Variants in KCND2 observed in about 807,000 individuals in gnomAD.
The protein encoded by KCND2 is potassium voltage-gated channel subfamily D member 2.
A neutral mutation model predicts 54.4 loss-of-function variants in KCND2; 16 were observed. The ratio of observed to expected loss-of-function variants is 0.29; its 90% CI spans 0.20 to 0.45. The LOEUF (loss-of-function observed/expected upper bound fraction) is 0.45. Ranked by LOEUF, KCND2 falls within the 20% of genes least tolerant of loss-of-function variation. The pLI, the probability that KCND2 is intolerant of heterozygous loss-of-function variation, is 1.00. For missense variants in KCND2, 486 were observed against 824.2 expected, an observed-to-expected ratio of 0.59 and a Z score of 5.02; for synonymous variants, 317 against 310.7, an observed-to-expected ratio of 1.02 and a Z score of -0.21.
At chr7:120,601,972 A>G (rs946991192) in intron 1 of KCND2, among the ~76,000 whole-genome samples, 2 of 152,204 alleles carry the variant, frequency 1.3e-5, no homozygotes, top group Non-Finnish European at 2.9e-5. Flanking sequence ...GAAATCTTCA[A>G]AAATAAAACT....
intron 1 of KCND2, among the ~76,000 whole-genome samples, chr7:120,474,267 T>C (rs903042444): frequency 6.6e-6 from 1 of 152,176 alleles, no homozygotes; most frequent in Non-Finnish European, 1.5e-5. Context: ...GCCATTCTGC[T>C]CTGCCAAGCT....
chr7:120,541,161 A>T (rs1791975415), intron 1 of KCND2, among the ~76,000 whole-genome samples: 1 of 152,200 alleles, frequency 6.6e-6, no homozygotes, highest in African/African-American at 2.4e-5. Flanking sequence ...TTCAAAAATC[A>T]TGAAAGTGCC....
chr7:120,285,520 C>A (rs1799326939), intron 1 of KCND2, among the ~76,000 whole-genome samples: 1 of 151,886 alleles, frequency 6.6e-6, no homozygotes, highest in African/African-American at 2.4e-5. Flanking sequence ...GGATACATCA[C>A]TGTGAAATAG....
At chr7:120,726,415 T>C (rs964697710) in intron 1 of KCND2, among the ~76,000 whole-genome samples, 1 of 152,138 alleles carries the variant, frequency 6.6e-6, no homozygotes, top group Non-Finnish European at 1.5e-5. Flanking sequence ...AATACCAAGC[T>C]GATGGCAGAA....
intron 1 of KCND2, among the ~76,000 whole-genome samples, chr7:120,589,176 G>C (rs1355592129): frequency 6.6e-6 from 1 of 152,104 alleles, no homozygotes; most frequent in Non-Finnish European, 1.5e-5. Flanking sequence ...GAAAGTAGGT[G>C]AATATAAATA....
chr7:120,411,795 T>C (rs1297098860), intron 1 of KCND2, among the ~76,000 whole-genome samples: 1 of 151,972 alleles, frequency 6.6e-6, no homozygotes, highest in Non-Finnish European at 1.5e-5. Context: ...GTATTGGAAA[T>C]ATAGTACATT....
intron 1 of KCND2, among the ~76,000 whole-genome samples, chr7:120,307,674 G>T (rs920554547): frequency 1.3e-5 from 2 of 152,034 alleles, no homozygotes; most frequent in African/African-American, 4.8e-5. Context: ...TACTCATGTT[G>T]CATATTCTAT....
At chr7:120,468,103 T>C (rs902014856) in intron 1 of KCND2, among the ~76,000 whole-genome samples, 5 of 152,112 alleles carry the variant, frequency 3.3e-5, no homozygotes, top group Non-Finnish European at 5.9e-5. Flanking sequence ...CATAAACTAA[T>C]TGGTCTCTAG....
intron 1 of KCND2, among the ~76,000 whole-genome samples, chr7:120,666,672 A>G (rs902622760): frequency 6.6e-6 from 1 of 151,890 alleles, no homozygotes; most frequent in Non-Finnish European, 1.5e-5. Flanking sequence ...TCTGGACCCA[A>G]CCCTAAGTTT....
In KCND2 at chr7:120,623,555, T is replaced by G. The variant is rs1793129696; in HGVS notation, c.1116-109348T>G. Among the ~76,000 whole-genome samples, 3 of 152,206 alleles carry G rather than the reference T, an allele frequency of 2.0e-5. No homozygotes were observed. The South Asian group carries it at 6.2e-4, about 31-fold the overall frequency. ...TGGCTTAGCAGTATAGGTGAGGTTC[T>G]GAGACTGTGCATTTTCAACAATGCT... On this transcript the variant is annotated intron_variant, in intron 1 of 5. Transcript: ENST00000331113.
At chr7:120,436,189 A>G (rs1219520795) in intron 1 of KCND2, among the ~76,000 whole-genome samples, 1 of 152,202 alleles carries the variant, frequency 6.6e-6, no homozygotes, top group Non-Finnish European at 1.5e-5. Flanking sequence ...AATATTGGCC[A>G]TCATTCTTGT....
At chr7:120,306,985 A>T (rs2116305990) in intron 1 of KCND2, among the ~76,000 whole-genome samples, 1 of 152,188 alleles carries the variant, frequency 6.6e-6, no homozygotes, top group East Asian at 1.9e-4. Flanking sequence ...TAAATTGTAA[A>T]AAAGAAAGAT....
intron 4 of KCND2, among the ~76,000 whole-genome samples, chr7:120,743,520 G>T (rs1298426332): frequency 2.6e-5 from 4 of 152,120 alleles, no homozygotes; most frequent in Admixed American, 2.6e-4. Flanking sequence ...GAAAAGAGCA[G>T]CGAACATGGA....
chr7:120,350,467 T>C (rs961427455), intron 1 of KCND2, among the ~76,000 whole-genome samples: 5 of 152,178 alleles, frequency 3.3e-5, no homozygotes, highest in African/African-American at 1.2e-4. Context: ...ATCTTAACTT[T>C]CATATCCTAT....
At chr7:120,552,979 T>C (rs1016753804) in intron 1 of KCND2, among the ~76,000 whole-genome samples, 2 of 152,240 alleles carry the variant, frequency 1.3e-5, no homozygotes, top group Non-Finnish European at 2.9e-5. Flanking sequence ...ACATATACAA[T>C]GTAATTATCA....
chr7:120,330,972 G>A (rs934028684), intron 1 of KCND2, among the ~76,000 whole-genome samples: 1 of 152,052 alleles, frequency 6.6e-6, no homozygotes, highest in Admixed American at 6.6e-5. Flanking sequence ...ATTTCCAACT[G>A]AAGATTGAAA....
At chr7:120,553,307 A>C (rs1011374660) in intron 1 of KCND2, among the ~76,000 whole-genome samples, 2 of 152,136 alleles carry the variant, frequency 1.3e-5, no homozygotes, top group Admixed American at 1.3e-4. Flanking sequence ...AGGTTCATCT[A>C]TGTTGTTTCA....
chr7:120,510,395 C>G (rs563939374), intron 1 of KCND2, among the ~76,000 whole-genome samples: 180 of 152,190 alleles, frequency 1.2e-3, no homozygotes, highest in African/African-American at 4.2e-3. Flanking sequence ...TGTAGTCTGA[C>G]TTCAAATTCA....
chr7:120,708,458 C>T (rs2116056852), intron 1 of KCND2, among the ~76,000 whole-genome samples: 1 of 152,208 alleles, frequency 6.6e-6, no homozygotes, highest in African/African-American at 2.4e-5. Flanking sequence ...ACACACATGT[C>T]TAATATGGAT....
Sources: gnomAD v4.1 joint callset for allele counts (sites outside exome capture counted in the v4.1 genomes callset) on GRCh38, gnomAD v4.1.1 for gene constraint, MANE v1.5 for transcripts, NCBI Gene and HGNC (gene_info 2026-07-23, HGNC 2026-07-21) for gene names.